GRM8: variants seen among roughly 807,000 people sequenced by gnomAD.
GRM8 encodes the protein glutamate metabotropic receptor 8.
In GRM8, 47 loss-of-function variants were observed where a neutral mutation model predicts 87.2. That is an observed-to-expected ratio of 0.54 (90% confidence interval 0.43 to 0.69). The LOEUF is 0.69. Among genes scored for constraint, GRM8 ranks in the 30% least tolerant of loss-of-function variants. The pLI is 0.00. For missense variants in GRM8, 1,019 were observed against 1,139.2 expected (o/e 0.89, Z 1.52); for synonymous variants, 396 against 404.5 (o/e 0.98, Z 0.25).
chr7:126,809,395 T>A (rs2151734196), intron 6 of GRM8, among the ~76,000 whole-genome samples: 1 of 152,240 alleles, frequency 6.6e-6, no homozygotes, highest in Middle Eastern at 3.4e-3. Flanking sequence ...TTTCTGCTGA[T>A]ATAGGAAAAA....
intron 9 of GRM8, among the ~76,000 whole-genome samples, chr7:126,527,304 G>C (rs771224846): frequency 3.3e-5 from 5 of 152,198 alleles, no homozygotes; most frequent in Admixed American, 6.5e-5. Context: ...GTTGCAGTGA[G>C]CCAAGATGGC....
chr7:127,204,592 CTAATATAT>C (rs1795798712), intron 2 of GRM8, among the ~76,000 whole-genome samples: 1 of 152,142 alleles, frequency 6.6e-6, no homozygotes, highest in Non-Finnish European at 1.5e-5. Context: ...GATGCACTCA[CTAATATAT>C]TATTCAGTTC....
At chr7:126,641,571 T>A (rs1464536970) in intron 7 of GRM8, among the ~76,000 whole-genome samples, 1 of 152,234 alleles carries the variant, frequency 6.6e-6, no homozygotes, top group East Asian at 1.9e-4. Context: ...CTATTCACTG[T>A]TTTGTTCCAG....
chr7:127,012,528 C>G (rs1016533241), intron 3 of GRM8, among the ~76,000 whole-genome samples: 1 of 151,986 alleles, frequency 6.6e-6, no homozygotes, highest in Admixed American at 6.6e-5. Context: ...TTGGGCCTTC[C>G]GCTCTACTTA....
chr7:126,529,006 T>G (rs1455917042), intron 9 of GRM8, among the ~76,000 whole-genome samples: 5 of 152,346 alleles, frequency 3.3e-5, no homozygotes, highest in African/African-American at 9.6e-5. Context: ...AGTATCTCAA[T>G]AGTTGCATCA....
chr7:126,685,444 C>T lies in GRM8; in HGVS notation c.1358-75946G>A, dbSNP rs1390975599. Among the ~76,000 whole-genome samples the T allele has an allele frequency of 1.3e-5, 2 of 152,092 alleles. No homozygotes were observed. Among genetic ancestry groups the T allele is most frequent in the Non-Finnish European group, 2.9e-5 (2 of 67,990 alleles). ...CCTGGGTGCAGCTGCAGCTGCTCTGCCCCATCTCTGGACCCAGGCATCTCT... is the reference window on the plus strand; with the variant it reads ...CCTGGGTGCAGCTGCAGCTGCTCTGTCCCATCTCTGGACCCAGGCATCTCT... On this transcript the variant is annotated intron_variant, in intron 7 of 10. Transcript: ENST00000339582. The surrounding 1 kb of genome is among the most constrained non-coding windows in gnomAD (Gnocchi z 4.2).
chr7:126,571,418 A>G (rs1228508258), intron 8 of GRM8, among the ~76,000 whole-genome samples: 1 of 152,184 alleles, frequency 6.6e-6, no homozygotes, highest in Non-Finnish European at 1.5e-5. Flanking sequence ...GTCTAACTAC[A>G]GAGCCATTGA....
At chr7:127,031,045 T>G (rs1325286852) in intron 3 of GRM8, among the ~76,000 whole-genome samples, 1 of 152,154 alleles carries the variant, frequency 6.6e-6, no homozygotes, top group African/African-American at 2.4e-5. Flanking sequence ...TGCATTAGGT[T>G]TGGGGCATTT....
At chr7:126,527,161 C>A (rs920579557) in intron 9 of GRM8, among the ~76,000 whole-genome samples, 1 of 152,152 alleles carries the variant, frequency 6.6e-6, no homozygotes, top group African/African-American at 2.4e-5. Context: ...GAGTTTGAGA[C>A]CAGCCTGGCC....
intron 7 of GRM8, among the ~76,000 whole-genome samples, chr7:126,658,888 A>G (rs1488150020): frequency 6.6e-6 from 1 of 152,000 alleles, no homozygotes; most frequent in Non-Finnish European, 1.5e-5. Context: ...GGACCGAGCC[A>G]CTCACAGACA....
At chr7:126,579,553 A>T (rs1795418162) in intron 8 of GRM8, among the ~76,000 whole-genome samples, 1 of 152,192 alleles carries the variant, frequency 6.6e-6, no homozygotes, top group Non-Finnish European at 1.5e-5. Context: ...CCTGACAAGT[A>T]GGCTTTGCTC....
chr7:126,988,808 C>A (rs1328715271), intron 3 of GRM8, among the ~76,000 whole-genome samples: 2 of 152,146 alleles, frequency 1.3e-5, no homozygotes, highest in Non-Finnish European at 2.9e-5. Context: ...GCATTTCTGT[C>A]CAATTTGACC....
At chr7:126,500,293 G>C (rs1809448810) in intron 9 of GRM8, among the ~76,000 whole-genome samples, 1 of 151,800 alleles carries the variant, frequency 6.6e-6, no homozygotes, top group African/African-American at 2.4e-5. Flanking sequence ...TTCCACTTTT[G>C]TAAGTTCCAT....
chr7:126,527,119 G>A (rs911939963), intron 9 of GRM8, among the ~76,000 whole-genome samples: 4 of 152,216 alleles, frequency 2.6e-5, no homozygotes, highest in African/African-American at 9.6e-5. Flanking sequence ...AGCACTTTGG[G>A]AGGCCGAGGC....
intron 6 of GRM8, among the ~76,000 whole-genome samples, chr7:126,791,269 T>C (rs1821281287): frequency 6.6e-6 from 1 of 152,242 alleles, no homozygotes; most frequent in Non-Finnish European, 1.5e-5. Context: ...CTTAGATAAT[T>C]GATATATCTT....
chr7:127,077,864 G>A (rs2132744849), intron 3 of GRM8, among the ~76,000 whole-genome samples: 1 of 152,212 alleles, frequency 6.6e-6, no homozygotes, highest in East Asian at 1.9e-4. Flanking sequence ...CAACTGGAGG[G>A]GATTTTGTTC....
chr7:126,519,579 G>T (rs1314421832), intron 9 of GRM8, among the ~76,000 whole-genome samples: 7 of 152,044 alleles, frequency 4.6e-5, no homozygotes, highest in African/African-American at 1.7e-4. Context: ...GGCTCAAACA[G>T]TGCTGTTAGT....
At chr7:127,140,596 T>A (rs1041993964) in intron 2 of GRM8, among the ~76,000 whole-genome samples, 16 of 152,250 alleles carry the variant, frequency 1.1e-4, no homozygotes, top group African/African-American at 3.9e-4. Context: ...GGGTGGAGTA[T>A]GAGGGGCCCA....
intron 2 of GRM8, among the ~76,000 whole-genome samples, chr7:127,107,909 A>G (rs1321800774): frequency 6.6e-6 from 1 of 152,206 alleles, no homozygotes; most frequent in Non-Finnish European, 1.5e-5. Flanking sequence ...GCAGCAGAGC[A>G]ATGTGCTTGG....
Sources: gnomAD v4.1 joint callset for allele counts (sites outside exome capture counted in the v4.1 genomes callset) on GRCh38, gnomAD v4.1.1 for gene constraint, Gnocchi (gnomAD v3.1) non-coding constraint, MANE v1.5 for transcripts, NCBI Gene and HGNC (gene_info 2026-07-23, HGNC 2026-07-21) for gene names.